Variants in AKAP19 observed in about 807,000 individuals in gnomAD.
The protein encoded by AKAP19 is small A-kinase anchoring protein.
chr2:189,930,962 GA>G, the AKAP19 span: 1 of 830,800 alleles, frequency 1.2e-6, no homozygotes. Flanking sequence ...TGAGACTCCT[GA>G]AGCAGGGAGA....
chr2:189,957,061 A>G, the AKAP19 span, among the ~76,000 whole-genome samples: 1 of 152,182 alleles, frequency 6.6e-6, no homozygotes, highest in Non-Finnish European at 1.5e-5. Flanking sequence ...CTGTAGTCCC[A>G]GTGACTCAGG....
the AKAP19 span, among the ~76,000 whole-genome samples, chr2:190,070,521 C>T: frequency 1.1e-4 from 17 of 151,524 alleles, no homozygotes; most frequent in East Asian, 3.1e-3. Context: ...CTAAGAACTA[C>T]ATTACTTCTG....
chr2:190,127,979 A>G, the AKAP19 span, among the ~76,000 whole-genome samples: 1 of 152,354 alleles, frequency 6.6e-6, no homozygotes, highest in African/African-American at 2.4e-5. Flanking sequence ...TAAAATTTAA[A>G]TAAGTTTATA....
At chr2:190,057,373 G>C in the AKAP19 span, 1 of 1,613,646 alleles carries the variant, frequency 6.2e-7, no homozygotes, top group Admixed American at 1.7e-5. Flanking sequence ...AGTACAGCAA[G>C]GGCCTGCTGA....
chr2:190,137,738 A>G, the AKAP19 span: 5 of 23,154 alleles, frequency 2.2e-4, no homozygotes, highest in African/African-American at 4.4e-4. Context: ...CTGCCTAGCA[A>G]CTGCTTCTAG....
the AKAP19 span, among the ~76,000 whole-genome samples, chr2:189,890,691 A>T: frequency 6.6e-6 from 1 of 151,916 alleles, no homozygotes; most frequent in East Asian, 1.9e-4. Context: ...GTCTTTTTTT[A>T]AAAATCTTTG....
At chr2:189,909,767 AAAG>A in the AKAP19 span, among the ~76,000 whole-genome samples, 1 of 152,074 alleles carries the variant, frequency 6.6e-6, no homozygotes. Flanking sequence ...TTTATTAGGC[AAAG>A]AAGTCAACGC....
the AKAP19 span, among the ~76,000 whole-genome samples, chr2:190,061,294 A>T: frequency 6.6e-6 from 1 of 151,902 alleles, no homozygotes; most frequent in Non-Finnish European, 1.5e-5. Flanking sequence ...GTAACACAAA[A>T]TTTTTCTTGC....
chr2:190,142,111 C>T, the AKAP19 span, among the ~76,000 whole-genome samples: 2 of 152,100 alleles, frequency 1.3e-5, no homozygotes, highest in Non-Finnish European at 2.9e-5. Flanking sequence ...AGACTCCAGT[C>T]GGTCATATTG....
chr2:190,184,411 A>G, the AKAP19 span, among the ~76,000 whole-genome samples: 1 of 152,230 alleles, frequency 6.6e-6, no homozygotes, highest in African/African-American at 2.4e-5. Context: ...GTTCTTCCCA[A>G]CATCTAACAT....
chr2:189,892,061 A>G, the AKAP19 span, among the ~76,000 whole-genome samples: 1 of 151,612 alleles, frequency 6.6e-6, no homozygotes, highest in East Asian at 1.9e-4. Flanking sequence ...CGAAGTTCTC[A>G]TGCTGTGTTT....
the AKAP19 span, among the ~76,000 whole-genome samples, chr2:190,183,359 G>A: frequency 6.6e-6 from 1 of 152,150 alleles, no homozygotes; most frequent in Admixed American, 6.5e-5. Context: ...AGTCCATAGA[G>A]CAGTCTTCTC....
At chr2:189,960,468 C>T in the AKAP19 span, among the ~76,000 whole-genome samples, 1 of 152,140 alleles carries the variant, frequency 6.6e-6, no homozygotes, top group Non-Finnish European at 1.5e-5. Flanking sequence ...TAATAGAGCT[C>T]CCTTGCCTCT....
At chr2:190,024,192 T>C in the AKAP19 span, among the ~76,000 whole-genome samples, 1 of 151,856 alleles carries the variant, frequency 6.6e-6, no homozygotes, top group Non-Finnish European at 1.5e-5. Context: ...TCCTGGTAAA[T>C]GTGTCTTCCT....
chr2:190,199,989 T>C, the AKAP19 span: 1 of 1,614,122 alleles, frequency 6.2e-7, no homozygotes. Flanking sequence ...CTCCAGTTAA[T>C]GTCAAAGAGG....
chr2:189,934,123 T>A, the AKAP19 span, among the ~76,000 whole-genome samples: 6 of 152,118 alleles, frequency 3.9e-5, no homozygotes, highest in African/African-American at 1.4e-4. Context: ...TCAAAGAATG[T>A]TGAGTCAGTC....
the AKAP19 span, among the ~76,000 whole-genome samples, chr2:189,937,587 T>C: frequency 6.6e-6 from 1 of 152,136 alleles, no homozygotes; most frequent in South Asian, 2.1e-4. Flanking sequence ...AATAATCCAA[T>C]TGAAAAATTG....
the AKAP19 span, among the ~76,000 whole-genome samples, chr2:190,030,754 C>T: frequency 1.3e-5 from 2 of 152,140 alleles, no homozygotes; most frequent in Non-Finnish European, 2.9e-5. Context: ...CAATGTCAGC[C>T]TTGAAAGTGT....
the AKAP19 span, among the ~76,000 whole-genome samples, chr2:190,149,163 A>G: frequency 9.2e-5 from 14 of 151,992 alleles, no homozygotes; most frequent in African/African-American, 3.1e-4. Flanking sequence ...GGGTTTCACC[A>G]TGTTGGTCAG....
Sources: allele counts gnomAD v4.1 joint callset (sites outside exome capture counted in the v4.1 genomes callset), GRCh38; gene constraint gnomAD v4.1.1; transcripts MANE v1.5; gene names NCBI Gene and HGNC (gene_info 2026-07-23, HGNC 2026-07-21).